The following MAGI3 variants were observed in gnomAD, a reference collection of about 807,000 sequenced individuals.
MAGI3 encodes membrane-associated guanylate kinase, WW and PDZ domain-containing protein 3.
MAGI3 carries 43 observed loss-of-function variants against 121.8 expected under a neutral mutation model. That is an observed-to-expected ratio of 0.35 (90% CI 0.28 to 0.46). The LOEUF (loss-of-function observed/expected upper bound fraction) is 0.46, where lower values mean the gene tolerates loss of function less well. Ranked by LOEUF, MAGI3 falls within the 20% of genes least tolerant of loss-of-function variation. The probability of loss-of-function intolerance (pLI) is 1.00; values close to 1 mark genes in which losing one functional copy is unlikely to be tolerated. For missense variants in MAGI3, 1,547 were observed against 1,797.3 expected, an observed-to-expected ratio of 0.86 and a Z score of 2.52; for synonymous variants, 553 against 639.3, an observed-to-expected ratio of 0.86 and a Z score of 2.04.
chr1:113,663,474 T>C (rs1023380820), intron 16 of MAGI3, among the ~76,000 whole-genome samples: 2 of 152,106 alleles, frequency 1.3e-5, no homozygotes, highest in East Asian at 3.9e-4. Context: ...GCCTTTTGTG[T>C]CTGGCTTCTT....
At chr1:113,475,066 G>C (rs1443414778) in intron 1 of MAGI3, among the ~76,000 whole-genome samples, 3 of 152,316 alleles carry the variant, frequency 2.0e-5, no homozygotes, top group Middle Eastern at 3.4e-3. Context: ...AGGAATGCTT[G>C]TGATTTTTGC....
chr1:113,561,522 A>G (rs896204898), intron 2 of MAGI3, among the ~76,000 whole-genome samples: 2 of 152,220 alleles, frequency 1.3e-5, no homozygotes, highest in Admixed American at 1.3e-4. Flanking sequence ...AACCACGATT[A>G]TCTCAATAGA....
chr1:113,659,490 G>A (rs931387213), intron 16 of MAGI3, among the ~76,000 whole-genome samples: 3 of 152,190 alleles, frequency 2.0e-5, no homozygotes, highest in African/African-American at 4.8e-5. Context: ...AGTGTGGACC[G>A]TTTATTTATG....
intron 1 of MAGI3, among the ~76,000 whole-genome samples, chr1:113,543,327 T>A (rs992166392): frequency 6.6e-6 from 1 of 152,232 alleles, no homozygotes; most frequent in Admixed American, 6.5e-5. Flanking sequence ...ATATAAACTA[T>A]AATTAAAACC....
At chr1:113,412,093 G>T (rs929918202) in intron 1 of MAGI3, among the ~76,000 whole-genome samples, 2 of 137,774 alleles carry the variant, frequency 1.5e-5, no homozygotes, top group African/African-American at 5.5e-5. Flanking sequence ...TCATGGTTCA[G>T]TTCCCACCTA....
intron 1 of MAGI3, among the ~76,000 whole-genome samples, chr1:113,523,849 A>T (rs1658321304): frequency 6.6e-6 from 1 of 152,182 alleles, no homozygotes; most frequent in Non-Finnish European, 1.5e-5. Context: ...GTCAGTGGGG[A>T]AAATGTCTCT....
At chr1:113,430,727 A>C (rs1227552578) in intron 1 of MAGI3, among the ~76,000 whole-genome samples, 1 of 152,192 alleles carries the variant, frequency 6.6e-6, no homozygotes, top group African/African-American at 2.4e-5. Context: ...TGATTTCTTC[A>C]TCAACCAAAT....
chr1:113,468,767 C>T (rs896741130), intron 1 of MAGI3, among the ~76,000 whole-genome samples: 1 of 151,898 alleles, frequency 6.6e-6, no homozygotes, highest in Non-Finnish European at 1.5e-5. Flanking sequence ...AATAATTTCA[C>T]CTATTTTATT....
intron 1 of MAGI3, among the ~76,000 whole-genome samples, chr1:113,494,753 C>T (rs1273156941): frequency 1.3e-5 from 2 of 152,122 alleles, no homozygotes; most frequent in African/African-American, 2.4e-5. Flanking sequence ...AGTTAGGGCT[C>T]TTTTCCCTTT....
intron 6 of MAGI3, among the ~76,000 whole-genome samples, chr1:113,606,412 A>G (rs1649777175): frequency 1.3e-5 from 2 of 152,148 alleles, no homozygotes; most frequent in South Asian, 2.1e-4. Context: ...TATTGTGAAC[A>G]TGGTATTTGT....
chr1:113,455,969 G>C (rs1354294946), intron 1 of MAGI3, among the ~76,000 whole-genome samples: 1 of 150,418 alleles, frequency 6.6e-6, no homozygotes, highest in Non-Finnish European at 1.5e-5. Flanking sequence ...TTTTTTTTTG[G>C]AGATGGAGTC....
chr1:113,590,561 G>T lies in MAGI3; in HGVS notation c.841G>T (p.Asp281Tyr). The T allele has an allele frequency of 6.2e-7, 1 of 1,613,720 alleles. No homozygotes were observed. Reference protein sequence around the residue: ...PSYNQTNSSMDFRNYMMRDET... With the variant: ...PSYNQTNSSMYFRNYMMRDET... ...TTACAACCAAACAAATAGCTCCATG[G>T]ACTTTAGAAATTATATGATGAGAGA... Residue 281 changes from aspartate (D) to tyrosine (Y), a missense_variant, in exon 5 of 21, where the codon GAC becomes TAC. By Grantham distance (160) the Asp-to-Tyr change is radical. Transcript: ENST00000307546.
intron 1 of MAGI3, among the ~76,000 whole-genome samples, chr1:113,509,368 TG>T (rs201669541): frequency 0.19 from 27,267 of 145,746 alleles, 3,316 homozygotes; most frequent in East Asian, 0.57. Flanking sequence ...TTTTTTTTTT[TG>T]TTTTCTTTTT....
chr1:113,604,058 A>G (rs1386506771), intron 6 of MAGI3, among the ~76,000 whole-genome samples: 1 of 152,220 alleles, frequency 6.6e-6, no homozygotes, highest in African/African-American at 2.4e-5. Flanking sequence ...TACAGCCTCT[A>G]TGGAAAACAG....
chr1:113,511,581 C>A (rs1431832101), intron 1 of MAGI3, among the ~76,000 whole-genome samples: 1 of 152,168 alleles, frequency 6.6e-6, no homozygotes, highest in Non-Finnish European at 1.5e-5. Flanking sequence ...TGTCCTTTCC[C>A]CATTGGCTGG....
At chr1:113,572,362 T>G (rs533688503) in intron 2 of MAGI3, among the ~76,000 whole-genome samples, 1 of 152,266 alleles carries the variant, frequency 6.6e-6, no homozygotes, top group African/African-American at 2.4e-5. Flanking sequence ...TTTCTTTTTT[T>G]GTTGTGTTCT....
chr1:113,406,331 C>G (rs1651680035), intron 1 of MAGI3, among the ~76,000 whole-genome samples: 1 of 149,330 alleles, frequency 6.7e-6, no homozygotes, highest in Admixed American at 6.7e-5. Flanking sequence ...GCCTGTAGTT[C>G]CAGCTACTCA....
chr1:113,681,385 G>C (rs758691200), intron 20 of MAGI3, 49 bp downstream of exon 20: 2 of 1,569,980 alleles, frequency 1.3e-6, no homozygotes, highest in African/African-American at 2.7e-5. Context: ...ATTAGGGAGG[G>C]GACAGAAGAA....
rs1647626838 is a variant in MAGI3, at chr1:113,672,628, G to A, written c.2932G>A (p.Gly978Ser). The stretch of plus-strand genomic sequence containing the variant: ...TCTCTCTTGTAGAAGTGCCCTAGAA[G>A]GTGAAATTGGAAAAGATGTCTCCAC... The part of the protein sequence containing the change: ...HIPGDRSALE[G>S]EIGKDVSTSY... Residue 978 changes from glycine (G) to serine (S), a missense_variant, in exon 18 of 21, where the codon GGT becomes AGT. Transcript: ENST00000307546. 4 of 1,613,506 alleles carry A rather than the reference G, an allele frequency of 2.5e-6. No homozygotes were observed. Among genetic ancestry groups the A allele is most frequent in the African/African-American group, 2.7e-5 (2 of 74,996 alleles).
Sources: allele counts gnomAD v4.1 joint callset (sites outside exome capture counted in the v4.1 genomes callset), GRCh38; gene constraint gnomAD v4.1.1; transcripts MANE v1.5; gene names NCBI Gene and HGNC (gene_info 2026-07-23, HGNC 2026-07-21).